The following BTRC variants were observed in gnomAD, a reference collection of about 807,000 sequenced individuals.
The protein encoded by BTRC is beta-transducin repeat containing E3 ubiquitin protein ligase.
In BTRC, 42 loss-of-function variants were observed where a neutral mutation model predicts 85.5. That is an observed-to-expected ratio of 0.49 (90% CI 0.38 to 0.64). The LOEUF (loss-of-function observed/expected upper bound fraction) is 0.64, where lower values mean the gene tolerates loss of function less well. BTRC is among the 30% of genes least tolerant of loss of function. BTRC has a pLI of 0.00. For synonymous variants in BTRC, 255 were observed against 263.3 expected, an observed-to-expected ratio of 0.97 and a Z score of 0.30; for missense variants, 594 against 743.5, an observed-to-expected ratio of 0.80 and a Z score of 2.34.
At chr10:101,470,932 T>C (rs1328658933) in intron 3 of BTRC, among the ~76,000 whole-genome samples, 1 of 152,164 alleles carries the variant, frequency 6.6e-6, no homozygotes, top group East Asian at 1.9e-4. Context: ...ATAAGAGTTA[T>C]ATTCTCAAAC....
intron 1 of BTRC, among the ~76,000 whole-genome samples, chr10:101,356,374 G>A (rs537623776): frequency 1.8e-4 from 28 of 152,332 alleles, no homozygotes; most frequent in African/African-American, 6.7e-4. Flanking sequence ...ATCATAAAGA[G>A]ACATTATGAG....
At chr10:101,461,043 C>T (rs942088278) in intron 2 of BTRC, among the ~76,000 whole-genome samples, 6 of 152,134 alleles carry the variant, frequency 3.9e-5, no homozygotes, top group East Asian at 1.9e-4. Context: ...GCTGGGATTA[C>T]AGGCACCCAC....
At chr10:101,537,039 T>A (rs2062397045) in intron 12 of BTRC, among the ~76,000 whole-genome samples, 1 of 152,206 alleles carries the variant, frequency 6.6e-6, no homozygotes, top group South Asian at 2.1e-4. Flanking sequence ...GGTAAGATCT[T>A]GAATTTTGAT....
At chr10:101,512,634 C>A (rs2061971349) in intron 4 of BTRC, among the ~76,000 whole-genome samples, 1 of 152,176 alleles carries the variant, frequency 6.6e-6, no homozygotes, top group Non-Finnish European at 1.5e-5. Context: ...TTGGTGTCTG[C>A]AAGTGTCTAT....
At chr10:101,391,177 T>C (rs1433527053) in intron 1 of BTRC, among the ~76,000 whole-genome samples, 1 of 152,234 alleles carries the variant, frequency 6.6e-6, no homozygotes, top group Non-Finnish European at 1.5e-5. Context: ...GTGATTCAAA[T>C]ATTTCAGCCC....
intron 13 of BTRC, among the ~76,000 whole-genome samples, chr10:101,542,748 A>T (rs1014707689): frequency 6.7e-6 from 1 of 150,014 alleles, no homozygotes; most frequent in African/African-American, 2.5e-5. Context: ...ATTTTTTTGT[A>T]TTTTTTTTTA....
chr10:101,447,592 T>G (rs1190380085), intron 2 of BTRC, among the ~76,000 whole-genome samples: 4 of 152,180 alleles, frequency 2.6e-5, no homozygotes, highest in Non-Finnish European at 5.9e-5. Context: ...CAATTATCTA[T>G]TACCAAACTC....
chr10:101,524,870 C>T (rs905970024), intron 5 of BTRC, among the ~76,000 whole-genome samples: 1 of 152,142 alleles, frequency 6.6e-6, no homozygotes, highest in Middle Eastern at 3.2e-3. Context: ...CCATTTAATG[C>T]TTTCTTTCTC....
intron 1 of BTRC, among the ~76,000 whole-genome samples, chr10:101,381,178 T>G (rs940018779): frequency 1.3e-5 from 2 of 152,168 alleles, no homozygotes; most frequent in Admixed American, 1.3e-4. Context: ...GTATATACCG[T>G]GCAGGATTCT....
intron 4 of BTRC, among the ~76,000 whole-genome samples, chr10:101,495,225 C>T (rs937879893): frequency 6.6e-6 from 1 of 152,104 alleles, no homozygotes; most frequent in Non-Finnish European, 1.5e-5. Context: ...TGTTTGGTAA[C>T]ATGTTGCTTT....
chr10:101,548,962 A>G (rs574841398), intron 13 of BTRC, among the ~76,000 whole-genome samples: 7 of 151,358 alleles, frequency 4.6e-5, no homozygotes, highest in African/African-American at 1.7e-4. Context: ...CTGAGGCAGG[A>G]GAATCGCTTG....
At chr10:101,490,528 A>C (rs922230324) in intron 4 of BTRC, among the ~76,000 whole-genome samples, 3 of 152,156 alleles carry the variant, frequency 2.0e-5, no homozygotes, top group African/African-American at 7.2e-5. Context: ...CTAAGATCTG[A>C]CTTCAGAGTT....
At chr10:101,374,144 T>G (rs1335479557) in intron 1 of BTRC, among the ~76,000 whole-genome samples, 1 of 152,122 alleles carries the variant, frequency 6.6e-6, no homozygotes, top group Non-Finnish European at 1.5e-5. Flanking sequence ...CCACACTGAC[T>G]TCCACAATGG....
intron 3 of BTRC, among the ~76,000 whole-genome samples, chr10:101,468,420 C>G (rs1945436801): frequency 6.6e-6 from 1 of 151,854 alleles, no homozygotes; most frequent in African/African-American, 2.4e-5. Flanking sequence ...GGGAGGAAGC[C>G]TGTTGTGCTC....
At chr10:101,485,765 T>C (rs575103332) in intron 4 of BTRC, among the ~76,000 whole-genome samples, 3 of 152,184 alleles carry the variant, frequency 2.0e-5, no homozygotes, top group Non-Finnish European at 2.9e-5. Context: ...GCTAATAGGC[T>C]CGAGCTTGTC....
At chr10:101,459,128 ATTCT>A (rs1191994156) in intron 2 of BTRC, among the ~76,000 whole-genome samples, 2 of 152,186 alleles carry the variant, frequency 1.3e-5, no homozygotes, top group Non-Finnish European at 2.9e-5. Context: ...CCCAATGATG[ATTCT>A]TCCTTATATT....
chr10:101,532,526 T>TAG, intron 8 of BTRC, 94 bp downstream of exon 8: 1 of 1,402,412 alleles, frequency 7.1e-7, no homozygotes, highest in Non-Finnish European at 9.4e-7. Flanking sequence ...GCATTATTTC[T>TAG]AGAAAGTAAG....
chr10:101,498,472 G>T (rs1003532555), intron 4 of BTRC, among the ~76,000 whole-genome samples: 1 of 151,948 alleles, frequency 6.6e-6, no homozygotes, highest in African/African-American at 2.4e-5. Context: ...CTGCTGTTAC[G>T]ATCTAAATCA....
At chr10:101,527,708 C>T (rs541664234) in intron 6 of BTRC, among the ~76,000 whole-genome samples, 3 of 151,728 alleles carry the variant, frequency 2.0e-5, no homozygotes, top group Admixed American at 6.6e-5. Context: ...GAGCTGTGGT[C>T]ATGCCACTGC....
Sources: gnomAD v4.1 joint callset for allele counts (sites outside exome capture counted in the v4.1 genomes callset) on GRCh38, gnomAD v4.1.1 for gene constraint, MANE v1.5 for transcripts, NCBI Gene and HGNC (gene_info 2026-07-23, HGNC 2026-07-21) for gene names.